Variants in SGCD observed in about 807,000 individuals in gnomAD.
The protein encoded by SGCD is delta-sarcoglycan.
A neutral mutation model predicts 36.6 loss-of-function variants in SGCD; 18 were observed. The ratio of observed to expected loss-of-function variants is 0.49; its 90% CI spans 0.34 to 0.73. The LOEUF (loss-of-function observed/expected upper bound fraction) is 0.73. Among genes scored for constraint, SGCD ranks in the 30% least tolerant of loss-of-function variants. The pLI, the probability that SGCD is intolerant of heterozygous loss-of-function variation, is 0.01. For missense variants in SGCD, 387 were observed against 346.7 expected (o/e 1.12, Z -0.92); for synonymous variants, 133 against 130.6 (o/e 1.02, Z -0.12).
intron 1 of SGCD, among the ~76,000 whole-genome samples, chr5:156,090,472 G>A (rs752761813): frequency 2.0e-5 from 3 of 152,118 alleles, no homozygotes; most frequent in South Asian, 2.1e-4. Flanking sequence ...GAAAGGGGAG[G>A]GGGTGTTACA....
intron 3 of SGCD, among the ~76,000 whole-genome samples, chr5:156,229,455 C>T (rs1764956756): frequency 6.6e-6 from 1 of 150,926 alleles, no homozygotes; most frequent in Non-Finnish European, 1.5e-5. Context: ...AAATTCTTGA[C>T]TGATAATTGT....
At chr5:155,837,086 A>AT in the SGCD span, among the ~76,000 whole-genome samples, 2 of 152,092 alleles carry the variant, frequency 1.3e-5, no homozygotes, top group Non-Finnish European at 2.9e-5. Context: ...GTGACATGTT[A>AT]TTTTTTCCTT....
intron 4 of SGCD, among the ~76,000 whole-genome samples, chr5:156,526,153 A>G (rs1312906784): frequency 6.6e-6 from 1 of 152,128 alleles, no homozygotes. Flanking sequence ...GTCTTCTAAA[A>G]TGTGCTTCCT....
intron 1 of SGCD, among the ~76,000 whole-genome samples, chr5:155,979,023 G>A (rs893117636): frequency 6.6e-6 from 1 of 152,048 alleles, no homozygotes; most frequent in African/African-American, 2.4e-5. Context: ...TGTCTCCTTG[G>A]GGACTTGTAT....
intron 3 of SGCD, among the ~76,000 whole-genome samples, chr5:156,443,584 G>A (rs992392684): frequency 2.0e-5 from 3 of 152,060 alleles, no homozygotes; most frequent in Non-Finnish European, 4.4e-5. Flanking sequence ...TCCAGCCTGG[G>A]TCACTGCTAA....
At chr5:156,628,376 T>C (rs1762509088) in intron 6 of SGCD, among the ~76,000 whole-genome samples, 1 of 152,222 alleles carries the variant, frequency 6.6e-6, no homozygotes. Flanking sequence ...ATATGGAGTC[T>C]GAAATACCTT....
intron 3 of SGCD, among the ~76,000 whole-genome samples, chr5:156,282,400 C>A (rs2127673716): frequency 6.6e-6 from 1 of 152,234 alleles, no homozygotes; most frequent in East Asian, 1.9e-4. Flanking sequence ...CCCCTCCCAG[C>A]AGAGTTGCTG....
At position 155,934,922 on chromosome 5, in the gene SGCD, C is replaced by T. The variant is rs192724810; in HGVS notation, c.-282+64498C>T. Among the ~76,000 whole-genome samples, 219 of 152,250 alleles carry T rather than the reference C, an allele frequency of 1.4e-3. 1 individual carries two copies. The highest frequency in any genetic ancestry group is 3.4e-3 in the Middle Eastern group (1 of 294). ...GGCCAGTGCCTGGAGTAAGTAAGTT[C>T]CTGCAGTAAGATGGATTCCCAGAGC... On this transcript the variant is annotated intron_variant, in intron 1 of 9. Transcript: ENST00000517913.
chr5:156,656,577 A>G (rs984822362), intron 7 of SGCD, among the ~76,000 whole-genome samples: 1 of 152,186 alleles, frequency 6.6e-6, no homozygotes, highest in African/African-American at 2.4e-5. Flanking sequence ...GTATTTACAA[A>G]AATTGATTTT....
In SGCD at chr5:156,762,339, A is replaced by C. The variant is rs959739921; in HGVS notation, c.*2949A>C. 3 of 152,632 alleles carry C rather than the reference A, an allele frequency of 2.0e-5. No homozygotes were observed. The highest frequency in any genetic ancestry group is 4.4e-5 in the Non-Finnish European group (3 of 68,040). 9.5% of individuals were successfully genotyped at this position (152,632 alleles called of 1,614,324 possible). On this transcript the variant is annotated 3_prime_UTR_variant, in exon 9 of 9. Coordinates refer to ENST00000337851, the MANE Select transcript of SGCD (RefSeq NM_000337.6). ...AAAAACTGATTTCCAAATATGTTCA[A>C]CATTTACTTCTATTTGATATCTGCT...
At chr5:156,591,317 T>C (rs1224297228) in intron 5 of SGCD, among the ~76,000 whole-genome samples, 6 of 152,212 alleles carry the variant, frequency 3.9e-5, no homozygotes, top group African/African-American at 1.4e-4. Flanking sequence ...GAAATTCTAA[T>C]GTTAGATGTC....
chr5:156,709,736 T>G (rs1209530125), intron 7 of SGCD, among the ~76,000 whole-genome samples: 1 of 151,994 alleles, frequency 6.6e-6, no homozygotes, highest in Non-Finnish European at 1.5e-5. Context: ...GAAACGTGGG[T>G]TTGAAAAGAG....
chr5:155,856,187 C>T, the SGCD span, among the ~76,000 whole-genome samples: 3 of 152,084 alleles, frequency 2.0e-5, no homozygotes, highest in African/African-American at 7.2e-5. Context: ...TATATACGTA[C>T]TCTGTATATA....
chr5:156,034,251 A>G (rs1001400384), intron 1 of SGCD, among the ~76,000 whole-genome samples: 2 of 152,206 alleles, frequency 1.3e-5, no homozygotes, highest in African/African-American at 4.8e-5. Context: ...TCCAGATCCA[A>G]GGGATTTGCT....
At chr5:156,501,861 A>G (rs983426059) in intron 3 of SGCD, among the ~76,000 whole-genome samples, 1 of 152,116 alleles carries the variant, frequency 6.6e-6, no homozygotes, top group African/African-American at 2.4e-5. Flanking sequence ...TACTTTACAG[A>G]CTTCAGGATC....
chr5:156,212,195 C>A (rs534878716), intron 3 of SGCD, among the ~76,000 whole-genome samples: 1 of 152,250 alleles, frequency 6.6e-6, no homozygotes, highest in South Asian at 2.1e-4. Flanking sequence ...TTGATTAAAT[C>A]TTACAATCAA....
At chr5:156,133,940 CA>C (rs1762389691) in intron 3 of SGCD, among the ~76,000 whole-genome samples, 2 of 151,752 alleles carry the variant, frequency 1.3e-5, no homozygotes, top group South Asian at 4.2e-4. Flanking sequence ...CACACACACA[CA>C]CACACACACA....
intron 7 of SGCD, among the ~76,000 whole-genome samples, chr5:156,732,335 C>T (rs1561882939): frequency 1.3e-5 from 2 of 152,020 alleles, no homozygotes; most frequent in Non-Finnish European, 2.9e-5. Flanking sequence ...TTATCAAAAG[C>T]CTTTTCTGCA....
chr5:156,370,138 T>G lies in SGCD; in HGVS notation c.192+25461T>G, dbSNP rs557073554. On this transcript the variant is annotated intron_variant, in intron 3 of 8. Coordinates refer to ENST00000337851, the MANE Select transcript of SGCD (RefSeq NM_000337.6). ...CATCCAAGTTTAAGGTCGCAGATTC[T>G]GCTCAGTGACCTTGAGAGAATAATA... 2.0e-5 allele frequency among the ~76,000 whole-genome samples: 3 copies of G among 152,336 alleles called. 1 individual carries two copies. Among genetic ancestry groups the G allele is most frequent in the Admixed American group, 1.3e-4 (2 of 15,310 alleles).
Sources: gnomAD v4.1 joint callset for allele counts (sites outside exome capture counted in the v4.1 genomes callset) on GRCh38, gnomAD v4.1.1 for gene constraint, MANE v1.5 for transcripts, NCBI Gene and HGNC (gene_info 2026-07-23, HGNC 2026-07-21) for gene names.